The following DECR1 variants were observed in gnomAD, a reference collection of about 807,000 sequenced individuals.
DECR1 encodes 2,4-dienoyl-CoA reductase 1, also known as 2,4-dienoyl-CoA reductase [(3E)-enoyl-CoA-producing], mitochondrial.
In DECR1, 44 loss-of-function variants were observed where a neutral mutation model predicts 38.8. That is an observed-to-expected ratio of 1.13 (90% CI 0.89 to 1.46). The LOEUF is 1.46. Among genes scored for constraint, DECR1 ranks in the 40% most tolerant of loss-of-function variants. DECR1 has a pLI of 0.00. For synonymous variants in DECR1, 148 were observed against 135.2 expected (o/e 1.09, Z -0.66); for missense variants, 428 against 405.5 (o/e 1.06, Z -0.48).
In DECR1 at chr8:90,020,969, G is replaced by A; in HGVS notation, c.478G>A (p.Ala160Thr). ...TCCTACTGAAAGACTTTCTCCTAAT[G>A]CTTGGAAAACCATAACTGACATAGT... is the stretch of plus-strand genomic sequence containing the variant. Reference protein sequence around the residue: ...ISPTERLSPNAWKTITDIVLN... With the variant: ...ISPTERLSPNTWKTITDIVLN... Residue 160 changes from alanine (A) to threonine (T), a missense_variant, in exon 5 of 10, where the codon GCT becomes ACT. Ala to Thr is a moderately conservative substitution (Grantham distance 58, BLOSUM62 0). Coordinates refer to ENST00000220764, the MANE Select transcript of DECR1 (RefSeq NM_001359.2). The A allele has an allele frequency of 6.3e-7, 1 of 1,595,738 alleles. No homozygotes were observed. Among genetic ancestry groups the A allele is most frequent in the South Asian group, 1.1e-5 (1 of 87,588 alleles).
chr8:90,030,776 G>GT (rs1408737932), intron 5 of DECR1, among the ~76,000 whole-genome samples: 3 of 152,038 alleles, frequency 2.0e-5, no homozygotes, highest in African/African-American at 4.8e-5. Flanking sequence ...CAGAGATTTT[G>GT]TTTTTTTCTA....
At chr8:90,022,546 G>C (rs749077655) in intron 5 of DECR1, among the ~76,000 whole-genome samples, 17 of 151,884 alleles carry the variant, frequency 1.1e-4, no homozygotes, top group Non-Finnish European at 2.4e-4. Flanking sequence ...GTGGGAAGGG[G>C]GGACAGGGAA....
At chr8:90,035,697 CTTT>C (rs1179116257) in intron 5 of DECR1, among the ~76,000 whole-genome samples, 1 of 151,834 alleles carries the variant, frequency 6.6e-6, no homozygotes, top group Non-Finnish European at 1.5e-5. Context: ...GTTTCTGTGT[CTTT>C]TTATGTGCAG....
intron 2 of DECR1, among the ~76,000 whole-genome samples, chr8:90,018,215 A>G (rs1813058940): frequency 1.3e-5 from 2 of 152,240 alleles, no homozygotes; most frequent in Non-Finnish European, 2.9e-5. Flanking sequence ...TAAAATAAAC[A>G]GGTATTTCAA....
chr8:90,025,224 T>C (rs1813299513), intron 5 of DECR1, among the ~76,000 whole-genome samples: 1 of 152,212 alleles, frequency 6.6e-6, no homozygotes, highest in Non-Finnish European at 1.5e-5. Context: ...TGGTTCCATA[T>C]GAACTTTAAA....
At chr8:90,004,841 C>T (rs927895074) in intron 1 of DECR1, among the ~76,000 whole-genome samples, 1 of 152,148 alleles carries the variant, frequency 6.6e-6, no homozygotes, top group African/African-American at 2.4e-5. Context: ...TTGCTATGAA[C>T]ATGTGTATGT....
intron 1 of DECR1, among the ~76,000 whole-genome samples, chr8:90,002,000 G>C (rs1812626649): frequency 6.6e-6 from 1 of 152,160 alleles, no homozygotes; most frequent in Non-Finnish European, 1.5e-5. Flanking sequence ...GTCCCGGAGC[G>C]AAGGGCAACG....
intron 8 of DECR1, among the ~76,000 whole-genome samples, chr8:90,048,429 A>T (rs1200510479): frequency 2.0e-5 from 3 of 152,228 alleles, no homozygotes; most frequent in Non-Finnish European, 4.4e-5. Context: ...TAAACTAGAA[A>T]ATCTAGAAGA....
At chr8:90,009,257 T>C (rs2130009714) in intron 1 of DECR1, among the ~76,000 whole-genome samples, 1 of 152,196 alleles carries the variant, frequency 6.6e-6, no homozygotes, top group Middle Eastern at 3.4e-3. Context: ...GGGCCTTTGC[T>C]CCCAATCCCT....
chr8:90,030,505 T>A (rs1264831681), intron 5 of DECR1: 1 of 152,226 alleles, frequency 6.6e-6, no homozygotes. Flanking sequence ...GTGAAACATT[T>A]TGGAGACCTG....
chr8:90,036,857 T>C lies in DECR1; in HGVS notation c.582T>C (p.Ser194=). Residue 194 remains serine, a synonymous_variant, in exon 6 of 10, where the codon TCT becomes TCC. Coordinates refer to ENST00000220764, the MANE Select transcript of DECR1 (RefSeq NM_001359.2). Reference sequence around the variant, plus strand: ...AAATTTCAGGAGCAGCATTTCTTTCTATTACTACTATCTATGCTGAGACTG... The same window carrying C: ...AAATTTCAGGAGCAGCATTTCTTTCCATTACTACTATCTATGCTGAGACTG... ...IKAQKGAAFL[S]ITTIYAETGS... is the part of the protein sequence containing the mutation. The C allele has an allele frequency of 6.2e-7, 1 of 1,612,588 alleles. No homozygotes were observed. Among genetic ancestry groups the C allele is most frequent in the Non-Finnish European group, 8.5e-7 (1 of 1,179,092 alleles).
Position 90,052,492 on chromosome 8 carries a change from G to A in DECR1, c.*595G>A, listed in dbSNP as rs1231360738. Among the ~76,000 whole-genome samples, 1 of 152,068 alleles carries A rather than the reference G, an allele frequency of 6.6e-6. No individual in the cohort carries two copies. Among genetic ancestry groups the A allele is most frequent in the African/African-American group, 2.4e-5 (1 of 41,410 alleles). On this transcript the variant is annotated 3_prime_UTR_variant, in exon 10 of 10. Coordinates refer to ENST00000220764, the MANE Select transcript of DECR1 (RefSeq NM_001359.2). The stretch of plus-strand genomic sequence containing the variant: ...TTTAAATTCATTATCTAGCAAGATA[G>A]TCAAACTTATAAATAATTATTTATG...
chr8:90,042,863 T>A, intron 7 of DECR1, 63 bp downstream of exon 7: 1 of 1,394,874 alleles, frequency 7.2e-7, no homozygotes, highest in Non-Finnish European at 1.0e-6. Flanking sequence ...CTGATAGGTA[T>A]ATTCTGGTTG....
chr8:90,045,000 G>A lies in DECR1; in HGVS notation c.885+5G>A, dbSNP rs759764213. On this transcript the variant is annotated splice_donor_5th_base_variant and intron_variant, in intron 8 of 9. Transcript: ENST00000220764. ...GCTTCTTGGATTAATGGAGCAGTAA[G>A]CGTTGTTTATTTCTCTTCACTTTTT... 1.4e-5 allele frequency: 23 copies of A among 1,613,476 alleles called. No homozygotes were observed. The highest frequency in any genetic ancestry group is 2.7e-5 in the African/African-American group (2 of 74,730).
Position 90,004,750 on chromosome 8 carries a change from A to G in DECR1, c.69+3189A>G, listed in dbSNP as rs999107409. Among the ~76,000 whole-genome samples, 6 of 152,312 alleles carry G rather than the reference A, an allele frequency of 3.9e-5. No homozygotes were observed. The East Asian group carries it at 5.8e-4, about 15-fold the overall frequency. ...GCAAAGATTTTCAACTGTTTTGTCC[A>G]CTGTTTATACCTAGAACAGTGCTTA... On this transcript the variant is annotated intron_variant, in intron 1 of 9. Transcript: ENST00000220764.
intron 1 of DECR1, among the ~76,000 whole-genome samples, chr8:90,008,159 G>T (rs541892635): frequency 6.6e-6 from 1 of 152,262 alleles, no homozygotes; most frequent in South Asian, 2.1e-4. Flanking sequence ...TTCTGATGCA[G>T]AACTCATTAT....
At chr8:90,047,355 A>G (rs1331081993) in intron 8 of DECR1, among the ~76,000 whole-genome samples, 1 of 151,684 alleles carries the variant, frequency 6.6e-6, no homozygotes, top group East Asian at 1.9e-4. Flanking sequence ...AAGCAAATGG[A>G]AAACAAAAAA....
At chr8:90,020,174 G>T (rs1805883) in intron 4 of DECR1, among the ~76,000 whole-genome samples, 5 of 152,234 alleles carry the variant, frequency 3.3e-5, no homozygotes, top group East Asian at 3.9e-4. Flanking sequence ...TATGTTAAAG[G>T]TATTTTCAGA....
At chr8:90,028,845 C>T (rs1813421416) in intron 5 of DECR1, among the ~76,000 whole-genome samples, 1 of 151,532 alleles carries the variant, frequency 6.6e-6, no homozygotes, top group Admixed American at 6.6e-5. Flanking sequence ...TACTTATTAA[C>T]TCATTTAACA....
Sources: gnomAD v4.1 joint callset for allele counts (sites outside exome capture counted in the v4.1 genomes callset) on GRCh38, gnomAD v4.1.1 for gene constraint, MANE v1.5 for transcripts, NCBI Gene and HGNC (gene_info 2026-07-23, HGNC 2026-07-21) for gene names.